The following PCBP3 variants were observed in gnomAD, a reference collection of about 807,000 sequenced individuals.
The protein encoded by PCBP3 is poly(rC)-binding protein 3.
A neutral mutation model predicts 52.7 loss-of-function variants in PCBP3; 25 were observed. The observed-to-expected ratio is 0.47, with a 90% CI of 0.35 to 0.66. The LOEUF (loss-of-function observed/expected upper bound fraction) is 0.66, where lower values mean the gene tolerates loss of function less well. Among genes scored for constraint, PCBP3 ranks in the 30% least tolerant of loss-of-function variants. The probability of loss-of-function intolerance (pLI) is 0.01; values close to 1 mark genes in which losing one functional copy is unlikely to be tolerated. For synonymous variants in PCBP3, 162 were observed against 183.0 expected (o/e 0.89, Z 0.93); for missense variants, 391 against 490.3 (o/e 0.80, Z 1.91).
chr21:45,933,282 G>A (rs554007388), intron 15 of PCBP3, among the ~76,000 whole-genome samples: 1 of 145,910 alleles, frequency 6.9e-6, no homozygotes, highest in South Asian at 2.3e-4. Flanking sequence ...TCCTGAGAGG[G>A]ATGAACACCT....
At chr21:45,731,038 G>C (rs1024856696) in intron 2 of PCBP3, among the ~76,000 whole-genome samples, 1 of 152,022 alleles carries the variant, frequency 6.6e-6, no homozygotes. Context: ...TTATTGATAT[G>C]GTTGGGTATA....
At chr21:45,916,234 G>C (rs2073387664) in intron 12 of PCBP3, 1 of 152,288 alleles carries the variant, frequency 6.6e-6, no homozygotes, top group Non-Finnish European at 1.5e-5. Flanking sequence ...CCCGTGCGCT[G>C]AGGGGGCGGC....
intron 2 of PCBP3, among the ~76,000 whole-genome samples, chr21:45,715,503 A>G (rs573814338): frequency 5.3e-5 from 8 of 152,222 alleles, no homozygotes; most frequent in Non-Finnish European, 1.0e-4. Context: ...TCCCATGTAC[A>G]TTATCAGTCA....
chr21:45,890,739 A>G (rs764796537), intron 5 of PCBP3, among the ~76,000 whole-genome samples: 5 of 151,982 alleles, frequency 3.3e-5, no homozygotes, highest in East Asian at 1.9e-4. Context: ...GGGAAGGTAG[A>G]TAATAGAACC....
chr21:45,857,721 C>T (rs562492807), intron 5 of PCBP3, among the ~76,000 whole-genome samples: 5 of 152,328 alleles, frequency 3.3e-5, no homozygotes, highest in African/African-American at 9.6e-5. Context: ...CATGGTCACT[C>T]ACATTTGGCT....
intron 2 of PCBP3, among the ~76,000 whole-genome samples, chr21:45,686,982 T>C (rs892016173): frequency 6.6e-6 from 1 of 152,056 alleles, no homozygotes; most frequent in East Asian, 1.9e-4. Context: ...TGGCAGGCAA[T>C]GCCAGAAAAT....
intron 4 of PCBP3, among the ~76,000 whole-genome samples, chr21:45,822,214 C>T (rs975144447): frequency 1.3e-4 from 20 of 152,124 alleles, no homozygotes; most frequent in South Asian, 8.3e-4. Flanking sequence ...GCACAGGCAC[C>T]GGCACCGTCA....
At chr21:45,863,783 G>A (rs1009437309) in intron 5 of PCBP3, among the ~76,000 whole-genome samples, 2 of 152,240 alleles carry the variant, frequency 1.3e-5, no homozygotes, top group Non-Finnish European at 2.9e-5. Context: ...GGCCCTGGGT[G>A]AGCGGTCCGC....
At chr21:45,910,710 G>A (rs748260408) in intron 10 of PCBP3, among the ~76,000 whole-genome samples, 192 bp from the exon 11 acceptor site, 7 of 152,094 alleles carry the variant, frequency 4.6e-5, no homozygotes, top group Non-Finnish European at 1.0e-4. Context: ...GCACAGGGCC[G>A]GGTGCCAGGC....
In PCBP3 at chr21:45,878,862, T is replaced by C. The variant is rs570896060; in HGVS notation, c.11-17346T>C. Reference sequence around the variant, plus strand: ...AGCAACACACACCAACCTGGGATCCTTCCTGGTGGAGGATCCACAAGATCT... The same window carrying C: ...AGCAACACACACCAACCTGGGATCCCTCCTGGTGGAGGATCCACAAGATCT... On this transcript the variant is annotated intron_variant, in intron 5 of 17. Coordinates refer to ENST00000681687, the MANE Select transcript of PCBP3 (RefSeq NM_001384156.1). 6.6e-4 allele frequency among the ~76,000 whole-genome samples: 100 copies of C among 152,292 alleles called. 1 individual carries two copies. The highest frequency in any genetic ancestry group is 2.0e-3 in the African/African-American group (85 of 41,572).
intron 11 of PCBP3, among the ~76,000 whole-genome samples, chr21:45,913,087 G>C (rs2096432713): frequency 1.3e-5 from 2 of 151,892 alleles, no homozygotes; most frequent in South Asian, 2.1e-4. Flanking sequence ...CCCAGCTGTG[G>C]TGCCCCCCAG....
At chr21:45,879,774 A>G (rs895824232) in intron 5 of PCBP3, among the ~76,000 whole-genome samples, 1 of 151,926 alleles carries the variant, frequency 6.6e-6, no homozygotes, top group Non-Finnish European at 1.5e-5. Context: ...AGAGAAAATG[A>G]AAAAAAACCT....
chr21:45,843,093 C>T (rs180693286), intron 4 of PCBP3, among the ~76,000 whole-genome samples: 26 of 152,180 alleles, frequency 1.7e-4, no homozygotes, highest in Middle Eastern at 3.4e-3. Flanking sequence ...GCGAACTCAC[C>T]GCTGTGTCAT....
intron 2 of PCBP3, among the ~76,000 whole-genome samples, chr21:45,712,665 T>G (rs1005338332): frequency 6.6e-6 from 1 of 152,186 alleles, no homozygotes; most frequent in Non-Finnish European, 1.5e-5. Context: ...TGATGATGAT[T>G]ATTATACATT....
At position 45,736,740 on chromosome 21, in the gene PCBP3, T is replaced by C. The variant is rs561059030; in HGVS notation, c.-162+1311T>C. On this transcript the variant is annotated intron_variant, in intron 3 of 17. Transcript: ENST00000681687. This position sits in a 1 kb window ranked among gnomAD's most constrained non-coding sequence, Gnocchi z 4.6. ...CTTGAACAAAGACTTTGTTTGTTCC[T>C]TCATTCGTTCAGCACATGTTTACAG... is the stretch of plus-strand genomic sequence containing the variant. Among the ~76,000 whole-genome samples the C allele has an allele frequency of 6.6e-6, 1 of 152,354 alleles. No homozygotes were observed. The highest frequency in any genetic ancestry group is 1.9e-4 in the East Asian group (1 of 5,188).
At chr21:45,879,028 C>G (rs976292596) in intron 5 of PCBP3, among the ~76,000 whole-genome samples, 12 of 152,176 alleles carry the variant, frequency 7.9e-5, no homozygotes, top group African/African-American at 2.9e-4. Context: ...CTCTGTCACC[C>G]AGGCTGGAGT....
At chr21:45,855,305 A>G (rs1392265264) in intron 5 of PCBP3, among the ~76,000 whole-genome samples, 1 of 152,140 alleles carries the variant, frequency 6.6e-6, no homozygotes, top group African/African-American at 2.4e-5. Flanking sequence ...GCACAGACGC[A>G]GGCTCCGGAA....
At chr21:45,688,987 A>T (rs1035227526) in intron 2 of PCBP3, among the ~76,000 whole-genome samples, 5 of 152,080 alleles carry the variant, frequency 3.3e-5, no homozygotes, top group African/African-American at 1.2e-4. Context: ...TGAGGCCCAG[A>T]CGAATTCTAT....
rs1187954805 is a variant in PCBP3, at chr21:45,669,790, TG to T, written c.-200+839del. Among the ~76,000 whole-genome samples the T allele has an allele frequency of 3.5e-3, 138 of 39,556 alleles. 4 individuals are homozygous for T. The East Asian group carries it at 0.041, about 12-fold the overall frequency. 26.0% of individuals were successfully genotyped at this position (39,556 alleles called of 152,430 possible). ...TTTAAGACTGAATAATATTCCATTG[TG>T]TGTGTGTGTGTGTGTATATATATAT... On this transcript the variant is annotated intron_variant, in intron 2 of 17. Transcript: ENST00000681687.
Sources: gnomAD v4.1 joint callset for allele counts (sites outside exome capture counted in the v4.1 genomes callset) on GRCh38, gnomAD v4.1.1 for gene constraint, Gnocchi (gnomAD v3.1) non-coding constraint, MANE v1.5 for transcripts, NCBI Gene and HGNC (gene_info 2026-07-23, HGNC 2026-07-21) for gene names.